GDPD5: variants seen among roughly 807,000 people sequenced by gnomAD.
The protein encoded by GDPD5 is glycerophosphodiester phosphodiesterase domain containing 5.
In GDPD5, 48 loss-of-function variants were observed where a neutral mutation model predicts 75.1. That is an observed-to-expected ratio of 0.64 (90% CI 0.51 to 0.81). The LOEUF (loss-of-function observed/expected upper bound fraction) is 0.81. Ranked by LOEUF, GDPD5 falls within the 40% of genes least tolerant of loss-of-function variation. The pLI, the probability that GDPD5 is intolerant of heterozygous loss-of-function variation, is 0.00. For synonymous variants in GDPD5, 336 were observed against 339.0 expected (o/e 0.99, Z 0.10); for missense variants, 706 against 822.6 (o/e 0.86, Z 1.73).
At chr11:75,449,186 A>T in intron 8 of GDPD5, 64 bp from the exon 9 acceptor site, 1 of 1,511,932 alleles carries the variant, frequency 6.6e-7, no homozygotes, top group Admixed American at 2.5e-5. Context: ...GCAATGCTGG[A>T]CCCCTCTACC....
intron 4 of GDPD5, 100 bp downstream of exon 4, chr11:75,462,686 G>A (rs1406481247): frequency 1.1e-6 from 1 of 904,394 alleles, no homozygotes; most frequent in Non-Finnish European, 1.8e-6. Context: ...GAGCTCAGAG[G>A]GCCAACCTGG....
intron 1 of GDPD5, among the ~76,000 whole-genome samples, chr11:75,518,374 G>T (rs1032875336): frequency 2.6e-5 from 4 of 152,188 alleles, no homozygotes; most frequent in African/African-American, 7.2e-5. Context: ...CCTTGTCCTG[G>T]GGATGTGCAA....
At chr11:75,484,331 C>T (rs1183971188) in intron 2 of GDPD5, among the ~76,000 whole-genome samples, 1 of 152,150 alleles carries the variant, frequency 6.6e-6, no homozygotes, top group Non-Finnish European at 1.5e-5. Context: ...TGAGGTGCTG[C>T]GAGGTCAGCA....
intron 3 of GDPD5, among the ~76,000 whole-genome samples, chr11:75,473,397 G>A (rs1393849268): frequency 1.3e-5 from 2 of 152,030 alleles, no homozygotes; most frequent in African/African-American, 2.4e-5. Context: ...ATGGGAGGAT[G>A]GGATTCACTG....
chr11:75,494,514 C>T (rs759935401), intron 1 of GDPD5, among the ~76,000 whole-genome samples: 15 of 152,258 alleles, frequency 9.9e-5, no homozygotes, highest in Non-Finnish European at 1.9e-4. Flanking sequence ...CATGTGGCCA[C>T]AGTTCATTTT....
intron 11 of GDPD5, chr11:75,442,903 C>T (rs1948864756): frequency 1.3e-5 from 8 of 618,688 alleles, no homozygotes; most frequent in Non-Finnish European, 2.3e-5. Flanking sequence ...ATTCACTGCT[C>T]TCATCCCTGT....
In GDPD5 at chr11:75,443,232, G is replaced by A. The variant is rs1445905001; in HGVS notation, c.852C>T (p.Asn284=). 5.6e-6 allele frequency: 9 copies of A among 1,608,918 alleles called. No individual in the cohort carries two copies. In the East Asian group the frequency reaches 6.7e-5, roughly 12 times the overall value. ...CCAGCTCCGGGAACTCCTCCTCCAC[G>A]TTGGTGGTGCGCCGCAGGGTGGTGT... is the stretch of plus-strand genomic sequence containing the variant. ...MHDTTLRRTT[N]VEEEFPELAR... Residue 284 remains asparagine (N), a synonymous_variant, in exon 11 of 17, where the codon AAC becomes AAT. Transcript: ENST00000336898.
At chr11:75,469,318 G>A (rs1016534336) in intron 3 of GDPD5, among the ~76,000 whole-genome samples, 4 of 152,228 alleles carry the variant, frequency 2.6e-5, no homozygotes, top group African/African-American at 7.2e-5. Flanking sequence ...GGCATTGGGG[G>A]TGGGTGGGGA....
Position 75,442,428 on chromosome 11 carries a change from A to G in GDPD5, c.1102T>C (p.Tyr368His). 1.9e-6 allele frequency: 3 copies of G among 1,609,682 alleles called. No individual in the cohort carries two copies. Among genetic ancestry groups the G allele is most frequent in the Non-Finnish European group, 2.5e-6 (3 of 1,178,186 alleles). ...GTCACGTTGATAAAACTGCTGCGGT[A>G]GGGGTGCTCCCGGGGCGGGTCACGC... ...NLRDPPREHPYRSSFINVTLE... is the reference protein window; with the variant it reads ...NLRDPPREHPHRSSFINVTLE... Residue 368 changes from tyrosine (Y) to histidine (H), a missense_variant, in exon 12 of 17, where the codon TAC becomes CAC. Transcript: ENST00000336898.
At chr11:75,467,811 A>C (rs919176580) in intron 3 of GDPD5, among the ~76,000 whole-genome samples, 2 of 152,162 alleles carry the variant, frequency 1.3e-5, no homozygotes, top group African/African-American at 2.4e-5. Context: ...AACCCTCCAG[A>C]AACAGGAGCC....
At chr11:75,454,701 G>A (rs1291201899) in intron 6 of GDPD5, among the ~76,000 whole-genome samples, 2 of 152,228 alleles carry the variant, frequency 1.3e-5, no homozygotes, top group Non-Finnish European at 2.9e-5. Flanking sequence ...ACAGAGGGTG[G>A]AGTAGGCGAC....
intron 2 of GDPD5, among the ~76,000 whole-genome samples, chr11:75,488,804 A>ATCTGCT (rs1434418477): frequency 1.3e-5 from 2 of 152,206 alleles, no homozygotes; most frequent in African/African-American, 4.8e-5. Flanking sequence ...CGCTGTAATT[A>ATCTGCT]TCTGCTTCCG....
intron 3 of GDPD5, among the ~76,000 whole-genome samples, chr11:75,464,806 G>T (rs531668397): frequency 2.0e-5 from 3 of 152,196 alleles, no homozygotes; most frequent in Admixed American, 6.5e-5. Context: ...TCAGGAATAG[G>T]GAAACCCTGG....
At chr11:75,464,825 A>G (rs1277935224) in intron 3 of GDPD5, among the ~76,000 whole-genome samples, 1 of 152,092 alleles carries the variant, frequency 6.6e-6, no homozygotes, top group Non-Finnish European at 1.5e-5. Context: ...GGCTAGGAGC[A>G]GGGCAGGACA....
chr11:75,518,252 G>A (rs1203932905), intron 1 of GDPD5, among the ~76,000 whole-genome samples: 2 of 152,246 alleles, frequency 1.3e-5, no homozygotes, highest in Non-Finnish European at 2.9e-5. Flanking sequence ...CACGCAGGGA[G>A]CAGCTGCATG....
intron 6 of GDPD5, among the ~76,000 whole-genome samples, chr11:75,456,086 C>CT (rs1256196797): frequency 6.6e-6 from 1 of 152,060 alleles, no homozygotes; most frequent in East Asian, 1.9e-4. Context: ...AGGGGAGGTA[C>CT]TGAGGAAGGG....
intron 3 of GDPD5, among the ~76,000 whole-genome samples, chr11:75,472,409 A>T (rs1270881929): frequency 1.3e-5 from 2 of 152,058 alleles, no homozygotes; most frequent in Admixed American, 6.5e-5. Flanking sequence ...ACAAATCCAC[A>T]TGGCTGACAG....
At chr11:75,473,962 G>C (rs1949727094) in intron 3 of GDPD5, among the ~76,000 whole-genome samples, 2 of 152,192 alleles carry the variant, frequency 1.3e-5, no homozygotes, top group Non-Finnish European at 2.9e-5. Flanking sequence ...TCAAGGGAGG[G>C]GAAAACCAGG....
chr11:75,439,235 G>A (rs61897371), intron 15 of GDPD5: 152,572 of 423,688 alleles, frequency 0.36, 28,920 homozygotes, highest in South Asian at 0.4. Context: ...GAGGTGGCCC[G>A]GGCACAGGGC....
Sources: gnomAD v4.1 joint callset for allele counts (sites outside exome capture counted in the v4.1 genomes callset) on GRCh38, gnomAD v4.1.1 for gene constraint, MANE v1.5 for transcripts, NCBI Gene and HGNC (gene_info 2026-07-23, HGNC 2026-07-21) for gene names.